The following EPHA6 variants were observed in gnomAD, a reference collection of about 807,000 sequenced individuals.
EPHA6 encodes EPH receptor A6.
A neutral mutation model predicts 112.0 loss-of-function variants in EPHA6; 50 were observed. The observed-to-expected ratio is 0.45, with a 90% confidence interval of 0.36 to 0.56. The LOEUF (loss-of-function observed/expected upper bound fraction) is 0.56. EPHA6 is among the 20% of genes least tolerant of loss of function. The pLI, the probability that EPHA6 is intolerant of heterozygous loss-of-function variation, is 0.00. For missense variants in EPHA6, 1,280 were observed against 1,417.4 expected, an observed-to-expected ratio of 0.90 and a Z score of 1.56; for synonymous variants, 529 against 490.7, an observed-to-expected ratio of 1.08 and a Z score of -1.03.
At chr3:97,051,344 A>G (rs1170412738) in intron 3 of EPHA6, among the ~76,000 whole-genome samples, 2 of 152,160 alleles carry the variant, frequency 1.3e-5, no homozygotes, top group East Asian at 1.9e-4. Flanking sequence ...TATAGTATGT[A>G]TGTTTATGTG....
chr3:97,718,872 T>G (rs559092983), intron 14 of EPHA6, among the ~76,000 whole-genome samples: 12 of 152,238 alleles, frequency 7.9e-5, no homozygotes, highest in African/African-American at 2.9e-4. Context: ...TACTCAATAA[T>G]ATGGTGAGAA....
chr3:97,606,125 C>T (rs1469413660), intron 12 of EPHA6: 11 of 151,428 alleles, frequency 7.3e-5, no homozygotes, highest in African/African-American at 1.7e-4. Context: ...GAGGCATTAG[C>T]GCTTTATACT....
intron 3 of EPHA6, among the ~76,000 whole-genome samples, chr3:97,076,225 A>G (rs993014217): frequency 5.3e-5 from 8 of 152,322 alleles, no homozygotes; most frequent in African/African-American, 1.9e-4. Context: ...TTGTGGGTGC[A>G]GAAGTAAAGT....
chr3:96,815,494 G>A (rs922545135), intron 1 of EPHA6, among the ~76,000 whole-genome samples: 11 of 152,032 alleles, frequency 7.2e-5, no homozygotes, highest in African/African-American at 2.7e-4. Flanking sequence ...CCCAGCCTCA[G>A]TCCCCATGCT....
At chr3:96,815,785 A>G (rs2032729186) in intron 1 of EPHA6, among the ~76,000 whole-genome samples, 1 of 152,182 alleles carries the variant, frequency 6.6e-6, no homozygotes, top group Non-Finnish European at 1.5e-5. Context: ...TTTTCTATTC[A>G]TACAATCTTC....
At chr3:97,533,732 T>C (rs1158859519) in intron 11 of EPHA6, among the ~76,000 whole-genome samples, 2 of 152,064 alleles carry the variant, frequency 1.3e-5, no homozygotes, top group Non-Finnish European at 2.9e-5. Flanking sequence ...GGAACGAGTC[T>C]CTATGCCTAA....
intron 3 of EPHA6, among the ~76,000 whole-genome samples, chr3:97,020,710 G>A (rs1431332074): frequency 6.6e-6 from 1 of 152,124 alleles, no homozygotes; most frequent in Non-Finnish European, 1.5e-5. Context: ...TAGCCATTTG[G>A]ATAAAAATTT....
intron 3 of EPHA6, among the ~76,000 whole-genome samples, chr3:97,199,189 T>C (rs2077516934): frequency 1.3e-5 from 2 of 152,096 alleles, no homozygotes; most frequent in South Asian, 4.1e-4. Flanking sequence ...GCATTTGGTT[T>C]TGATTGTTAT....
intron 3 of EPHA6, among the ~76,000 whole-genome samples, chr3:97,079,410 G>A (rs1304180369): frequency 2.6e-5 from 4 of 152,034 alleles, no homozygotes. Flanking sequence ...AGAACACACA[G>A]ACACATTGAG....
intron 13 of EPHA6, among the ~76,000 whole-genome samples, chr3:97,621,334 A>T (rs191380256): frequency 6.6e-6 from 1 of 152,022 alleles, no homozygotes; most frequent in Admixed American, 6.6e-5. Context: ...TAATACCTGA[A>T]GGGTGAAATA....
chr3:97,017,336 C>A lies in EPHA6; in HGVS notation c.1114+29343C>A, dbSNP rs555930232. 2.0e-5 allele frequency among the ~76,000 whole-genome samples: 3 copies of A among 152,292 alleles called. No individual in the cohort carries two copies. The South Asian group carries it at 6.2e-4, about 32-fold the overall frequency. On this transcript the variant is annotated intron_variant, in intron 3 of 17. Coordinates refer to ENST00000389672, the MANE Select transcript of EPHA6 (RefSeq NM_001080448.3). ...AGCAACTGTGAGGCATTGCATTGAA[C>A]TCAGTAGTCCTTTGTAATAGCAGAA...
chr3:97,677,426 A>G (rs966634998), intron 14 of EPHA6, among the ~76,000 whole-genome samples: 2 of 152,180 alleles, frequency 1.3e-5, no homozygotes, highest in Non-Finnish European at 2.9e-5. Flanking sequence ...TAAGAGATAA[A>G]GACAAAATGT....
At chr3:97,566,349 A>G (rs947288859) in intron 11 of EPHA6, among the ~76,000 whole-genome samples, 4 of 152,202 alleles carry the variant, frequency 2.6e-5, no homozygotes, top group African/African-American at 9.6e-5. Context: ...ACATTTTGGC[A>G]TGAGATTTGG....
At chr3:97,676,516 T>C (rs918461507) in intron 14 of EPHA6, among the ~76,000 whole-genome samples, 3 of 152,194 alleles carry the variant, frequency 2.0e-5, no homozygotes, top group African/African-American at 7.2e-5. Context: ...AATAACTCTT[T>C]CAAAGAATTT....
chr3:96,957,496 A>T (rs80051457), intron 2 of EPHA6, among the ~76,000 whole-genome samples: 1,857 of 152,328 alleles, frequency 0.012, 34 homozygotes, highest in African/African-American at 0.043. Context: ...GTAACTGGGA[A>T]TATATCAGAG....
chr3:97,032,631 A>G (rs1350873617), intron 3 of EPHA6, among the ~76,000 whole-genome samples: 1 of 151,894 alleles, frequency 6.6e-6, no homozygotes, highest in Non-Finnish European at 1.5e-5. Flanking sequence ...CGAAGTGATA[A>G]AAGTATTTAC....
intron 3 of EPHA6, among the ~76,000 whole-genome samples, chr3:97,080,203 T>C (rs1249395447): frequency 4.6e-5 from 7 of 152,104 alleles, no homozygotes; most frequent in Non-Finnish European, 8.8e-5. Context: ...ACCGAAATAA[T>C]GTAACCTTCC....
intron 16 of EPHA6, among the ~76,000 whole-genome samples, chr3:97,745,105 T>C (rs111279311): frequency 0.01 from 1,587 of 152,090 alleles, 18 homozygotes; most frequent in African/African-American, 0.036. Context: ...TATTCTGAAT[T>C]ATCTTACATA....
chr3:97,124,282 A>G (rs2048120573), intron 3 of EPHA6, among the ~76,000 whole-genome samples: 1 of 152,054 alleles, frequency 6.6e-6, no homozygotes, highest in African/African-American at 2.4e-5. Flanking sequence ...GCGTTTCAGT[A>G]TTAATCTGAT....
Sources: gnomAD v4.1 joint callset for allele counts (sites outside exome capture counted in the v4.1 genomes callset) on GRCh38, gnomAD v4.1.1 for gene constraint, MANE v1.5 for transcripts, NCBI Gene and HGNC (gene_info 2026-07-23, HGNC 2026-07-21) for gene names.